VCL: variants seen among roughly 807,000 people sequenced by gnomAD.
VCL encodes the protein epididymis luminal protein 114.
In VCL, 47 loss-of-function variants were observed where a neutral mutation model predicts 125.7. The observed-to-expected ratio is 0.37, with a 90% CI of 0.30 to 0.48. VCL has a LOEUF of 0.48. Ranked by LOEUF, VCL falls within the 20% of genes least tolerant of loss-of-function variation. VCL has a pLI of 0.99. For synonymous variants in VCL, 458 were observed against 514.6 expected (o/e 0.89, Z 1.49); for missense variants, 1,069 against 1,455.5 (o/e 0.73, Z 4.32).
At chr10:74,028,625 G>A (rs1840817382) in intron 1 of VCL, among the ~76,000 whole-genome samples, 1 of 152,098 alleles carries the variant, frequency 6.6e-6, no homozygotes, top group South Asian at 2.1e-4. Context: ...TCGAACTCCT[G>A]ACCTCAGGTG....
chr10:74,057,336 G>A (rs922083262), intron 2 of VCL, among the ~76,000 whole-genome samples: 5 of 152,226 alleles, frequency 3.3e-5, no homozygotes, highest in Admixed American at 6.5e-5. Context: ...ATACTAGAAT[G>A]GCTGAACTCT....
chr10:74,079,904 A>C (rs138242960), intron 6 of VCL, among the ~76,000 whole-genome samples: 2,929 of 152,284 alleles, frequency 0.019, 44 homozygotes, highest in African/African-American at 0.032. Flanking sequence ...CAGTTATTAA[A>C]TGCAGCTTCA....
At chr10:74,008,326 A>G (rs1565631707) in intron 1 of VCL, among the ~76,000 whole-genome samples, 2 of 152,184 alleles carry the variant, frequency 1.3e-5, no homozygotes, top group East Asian at 3.9e-4. Flanking sequence ...TTGAGATAAC[A>G]AAAGTGTTCA....
intron 11 of VCL, among the ~76,000 whole-genome samples, chr10:74,094,686 T>A (rs978481237): frequency 6.6e-6 from 1 of 152,082 alleles, no homozygotes; most frequent in African/African-American, 2.4e-5. Flanking sequence ...TTTGGGAGGC[T>A]AAGGTGGGAG....
intron 2 of VCL, among the ~76,000 whole-genome samples, chr10:74,052,195 T>C (rs1277512686): frequency 6.6e-6 from 1 of 152,144 alleles, no homozygotes; most frequent in Non-Finnish European, 1.5e-5. Context: ...ACCCTGGACC[T>C]GCTTTAGCTA....
In VCL at chr10:74,118,358, T is replaced by G; in HGVS notation, c.*189T>G. 1 of 719,372 alleles carries G rather than the reference T, an allele frequency of 1.4e-6. No individual in the cohort carries two copies. The allele number at this position is 719,372 out of a possible 1,614,324, so 44.6% of individuals were successfully genotyped here. On this transcript the variant is annotated 3_prime_UTR_variant, in exon 22 of 22. Coordinates refer to ENST00000211998, the MANE Select transcript of VCL (RefSeq NM_014000.3). ...CTTTTTTCATGGACACTTTGAAATG[T>G]GTTTCTGTATAAAGCCTGTATTCTC... is the stretch of plus-strand genomic sequence containing the variant.
At chr10:74,087,508 G>C (rs1383721732) in intron 8 of VCL, among the ~76,000 whole-genome samples, 2 of 137,098 alleles carry the variant, frequency 1.5e-5, no homozygotes, top group Non-Finnish European at 3.1e-5. Flanking sequence ...CACCACGCCT[G>C]GCTAATTTTT....
chr10:74,113,087 G>A (rs1439115791), intron 19 of VCL, among the ~76,000 whole-genome samples: 1 of 152,210 alleles, frequency 6.6e-6, no homozygotes. Flanking sequence ...CTCTTGCAGA[G>A]CACCCTGCAG....
At chr10:74,017,078 C>G (rs1348528829) in intron 1 of VCL, among the ~76,000 whole-genome samples, 3 of 104,610 alleles carry the variant, frequency 2.9e-5, no homozygotes, top group Non-Finnish European at 5.3e-5. Context: ...GACGGAGTCT[C>G]GCTCTGTCGC....
At chr10:74,028,183 C>T (rs1320102661) in intron 1 of VCL, among the ~76,000 whole-genome samples, 1 of 152,112 alleles carries the variant, frequency 6.6e-6, no homozygotes, top group Non-Finnish European at 1.5e-5. Flanking sequence ...TCAAGTGATT[C>T]TCCTGGATCA....
At chr10:74,032,463 C>T (rs1028752192) in intron 1 of VCL, among the ~76,000 whole-genome samples, 4 of 151,572 alleles carry the variant, frequency 2.6e-5, no homozygotes, top group East Asian at 1.9e-4. Context: ...TTTGGGAGGC[C>T]GAAGCAGGCA....
chr10:74,062,042 C>T (rs776043926), intron 2 of VCL, among the ~76,000 whole-genome samples: 16 of 151,220 alleles, frequency 1.1e-4, no homozygotes, highest in African/African-American at 2.2e-4. Flanking sequence ...GGGCTACAGG[C>T]GCACAACACC....
At chr10:74,009,387 T>A (rs1840384264) in intron 1 of VCL, among the ~76,000 whole-genome samples, 1 of 151,638 alleles carries the variant, frequency 6.6e-6, no homozygotes, top group African/African-American at 2.4e-5. Flanking sequence ...GCCTCCCGAG[T>A]AGCTGGGACT....
At chr10:74,099,682 C>T (rs1409396970) in intron 13 of VCL, among the ~76,000 whole-genome samples, 3 of 152,142 alleles carry the variant, frequency 2.0e-5, no homozygotes, top group Non-Finnish European at 4.4e-5. Flanking sequence ...TCAGAAGGAG[C>T]AGCAGTCATG....
At chr10:74,110,468 C>A (rs1158419414) in intron 18 of VCL, among the ~76,000 whole-genome samples, 1 of 152,168 alleles carries the variant, frequency 6.6e-6, no homozygotes, top group Admixed American at 6.5e-5. Flanking sequence ...GCTACTTGAA[C>A]CATGTGTGTA....
At chr10:74,015,105 GTTGAAAAGTGAGA>G (rs953834021) in intron 1 of VCL, among the ~76,000 whole-genome samples, 1 of 152,206 alleles carries the variant, frequency 6.6e-6, no homozygotes, top group Non-Finnish European at 1.5e-5. Flanking sequence ...GAGTAATAGA[GTTGAAAAGTGAGA>G]TTAGGAGACC....
At chr10:74,069,165 G>A (rs3012028) in intron 2 of VCL, among the ~76,000 whole-genome samples, 76,096 of 151,556 alleles carry the variant, frequency 0.5, 20,735 homozygotes, top group Admixed American at 0.61. Flanking sequence ...TCCTGCCTCT[G>A]AGTAGCTGGG....
At chr10:74,036,491 C>T (rs546241675) in intron 1 of VCL, among the ~76,000 whole-genome samples, 23 of 152,182 alleles carry the variant, frequency 1.5e-4, no homozygotes, top group African/African-American at 3.9e-4. Flanking sequence ...CGTGAGCCAC[C>T]GTGCCCAGCC....
At chr10:74,048,464 C>CA (rs369346650) in intron 2 of VCL, among the ~76,000 whole-genome samples, 46,752 of 118,982 alleles carry the variant, frequency 0.39, 9,016 homozygotes, top group Non-Finnish European at 0.49. Context: ...AACTCTGTCT[C>CA]AAAAAAAAAA....
Sources: gnomAD v4.1 joint callset for allele counts (sites outside exome capture counted in the v4.1 genomes callset) on GRCh38, gnomAD v4.1.1 for gene constraint, MANE v1.5 for transcripts, NCBI Gene and HGNC (gene_info 2026-07-23, HGNC 2026-07-21) for gene names.